MASP1: variants seen among roughly 807,000 people sequenced by gnomAD.
The protein encoded by MASP1 is MBL associated serine protease 1.
In MASP1, 59 loss-of-function variants were observed where a neutral mutation model predicts 77.1. That is an observed-to-expected ratio of 0.77 (90% confidence interval 0.62 to 0.95). The LOEUF (loss-of-function observed/expected upper bound fraction) is 0.95, where lower values mean the gene tolerates loss of function less well. MASP1 is among the 40% of genes least tolerant of loss of function. MASP1 has a pLI of 0.00. For missense variants in MASP1, 885 were observed against 912.9 expected, an observed-to-expected ratio of 0.97 and a Z score of 0.39; for synonymous variants, 362 against 354.5, an observed-to-expected ratio of 1.02 and a Z score of -0.24.
In MASP1 at chr3:187,236,284, C is replaced by T. The variant is rs372488679; in HGVS notation, c.1587G>A (p.Ser529=). The part of the protein sequence containing the change: ...YLGLHDVRDK[S]GAVNSSAARV... ...GGGCAGCTGAGCTGTTGACTGCCCC[C>T]GATTTGTCTCGCACATCATGCAAGC... Residue 529 remains serine (S), a synonymous_variant, in exon 11 of 11, where the codon TCG becomes TCA. Coordinates refer to ENST00000296280, the MANE Select transcript of MASP1 (RefSeq NM_139125.4). 2.5e-5 allele frequency: 40 copies of T among 1,614,112 alleles called. No homozygotes were observed. The highest frequency in any genetic ancestry group is 2.0e-4 in the Admixed American group (12 of 60,012).
rs918148890 is a variant in MASP1 at position 187,234,355 on chromosome 3, C to T, written c.*1329G>A. ...TCCAGGGAGAAGGAGAACAATCAGCCCTGTGAGGGCCAGAGAGGCTGCTAG... is the reference window on the plus strand; with the variant it reads ...TCCAGGGAGAAGGAGAACAATCAGCTCTGTGAGGGCCAGAGAGGCTGCTAG... On this transcript the variant is annotated 3_prime_UTR_variant, in exon 11 of 11. Transcript: ENST00000296280. The T allele has an allele frequency of 1.6e-6, 2 of 1,287,192 alleles. No homozygotes were observed. Among genetic ancestry groups the T allele is most frequent in the Admixed American group, 2.3e-5 (1 of 43,554 alleles). The allele number at this position is 1,287,192 out of a possible 1,614,324, so 79.7% of individuals were successfully genotyped here.
chr3:187,249,167 C>T (rs1466709658), intron 8 of MASP1, among the ~76,000 whole-genome samples: 1 of 152,240 alleles, frequency 6.6e-6, no homozygotes, highest in Non-Finnish European at 1.5e-5. Context: ...CAGCAATTCT[C>T]CCGCCTCAGC....
chr3:187,284,420 G>C (rs1413945028), intron 2 of MASP1, among the ~76,000 whole-genome samples: 7 of 152,168 alleles, frequency 4.6e-5, no homozygotes, highest in Non-Finnish European at 1.0e-4. Flanking sequence ...ATCCCACAAT[G>C]CTCAAGACAG....
At chr3:187,228,106 A>G (rs1220242294) in intron 11 of MASP1, among the ~76,000 whole-genome samples, 1 of 152,098 alleles carries the variant, frequency 6.6e-6, no homozygotes, top group Non-Finnish European at 1.5e-5. Context: ...GTCATAGGGA[A>G]TAAACATACA....
intron 2 of MASP1, 100 bp from the exon 3 acceptor site, chr3:187,262,820 G>T: frequency 9.4e-7 from 1 of 1,066,810 alleles, no homozygotes; most frequent in South Asian, 1.3e-5. Flanking sequence ...CCAAGAGTAG[G>T]CTAGTCAGCC....
chr3:187,226,661 G>T, intron 11 of MASP1: 1 of 694,890 alleles, frequency 1.4e-6, no homozygotes, highest in East Asian at 2.7e-5. Context: ...TGTATTTTAT[G>T]GCCCCCAACT....
rs187176782 is a variant in MASP1 at position 187,288,699 on chromosome 3, T to C, written c.6-2643A>G. 1.1e-4 allele frequency among the ~76,000 whole-genome samples: 17 copies of C among 152,240 alleles called. No individual in the cohort carries two copies. In the East Asian group the frequency reaches 3.1e-3, roughly 28 times the overall value. Reference sequence around the variant, plus strand: ...TTCCCTATAATAGCGACACCCAAATTATGCAAGGCCGAAAGGTCAACTTCC... The same window carrying C: ...TTCCCTATAATAGCGACACCCAAATCATGCAAGGCCGAAAGGTCAACTTCC... On this transcript the variant is annotated intron_variant, in intron 1 of 10. Coordinates refer to ENST00000296280, the MANE Select transcript of MASP1 (RefSeq NM_139125.4).
chr3:187,267,025 A>G (rs1716092655), intron 2 of MASP1, among the ~76,000 whole-genome samples: 1 of 152,258 alleles, frequency 6.6e-6, no homozygotes, highest in Non-Finnish European at 1.5e-5. Context: ...AAAGCAATGT[A>G]TAGAGAAAGC....
chr3:187,246,767 G>A (rs2108530841), intron 8 of MASP1: 1 of 964,116 alleles, frequency 1.0e-6, no homozygotes, highest in East Asian at 1.1e-4. Context: ...TTTCAGCCCT[G>A]CGCCAGATAG....
chr3:187,282,090 G>A (rs1717463786), intron 2 of MASP1, among the ~76,000 whole-genome samples: 1 of 152,142 alleles, frequency 6.6e-6, no homozygotes, highest in African/African-American at 2.4e-5. Flanking sequence ...CAAGATTCAA[G>A]CCATAATCCC....
At position 187,236,129 on chromosome 3, in the gene MASP1, C is replaced by T; in HGVS notation, c.1742G>A (p.Gly581Asp). Residue 581 changes from glycine to aspartate, a missense_variant, in exon 11 of 11, where the codon GGC (glycine) becomes GAC (aspartate). Transcript: ENST00000296280. Reference protein sequence around the residue: ...PVCLPRLEPEGPAPHMLGLVA... With the variant: ...PVCLPRLEPEDPAPHMLGLVA... ...CAGGCCCAGCATGTGGGGGGCCGGGCCTTCAGGCTCAAGCCTTGGCAGGCA... is the reference window on the plus strand; with the variant it reads ...CAGGCCCAGCATGTGGGGGGCCGGGTCTTCAGGCTCAAGCCTTGGCAGGCA... 1 of 1,613,912 alleles carries T rather than the reference C, an allele frequency of 6.2e-7. No individual in the cohort carries two copies. Among genetic ancestry groups the T allele is most frequent in the Non-Finnish European group, 8.5e-7 (1 of 1,180,030 alleles).
At chr3:187,236,674 C>T in intron 10 of MASP1, 107 bp from the exon 11 acceptor site, 3 of 1,593,970 alleles carry the variant, frequency 1.9e-6, no homozygotes, top group Non-Finnish European at 2.6e-6. Flanking sequence ...ATAGATTATG[C>T]CACCATGGGA....
At chr3:187,272,614 G>A (rs1447881669) in intron 2 of MASP1, among the ~76,000 whole-genome samples, 2 of 152,178 alleles carry the variant, frequency 1.3e-5, no homozygotes, top group African/African-American at 2.4e-5. Flanking sequence ...TGACAGCCAT[G>A]TGAAGACAGA....
intron 2 of MASP1, among the ~76,000 whole-genome samples, chr3:187,267,503 T>C (rs1716138353): frequency 6.6e-6 from 1 of 152,228 alleles, no homozygotes; most frequent in Non-Finnish European, 1.5e-5. Flanking sequence ...AAGGCAATAG[T>C]CATTACTCAC....
rs1324018496 is a variant in MASP1, at chr3:187,236,448, C to G, written c.1423G>C (p.Val475Leu). ...CTCCCAAACCACTTGTCATTTGGCA[C>G]TCTCGAAGTGTCCTCCACCACTATC... ...ALIVVEDTSRVPNDKWFGSGA... is the reference protein window; with the variant it reads ...ALIVVEDTSRLPNDKWFGSGA... The change falls in exon 11 of 11, where the codon GTG becomes CTG. Residue 475 changes from valine (V) to leucine (L), a missense_variant. Coordinates refer to ENST00000296280, the MANE Select transcript of MASP1 (RefSeq NM_139125.4). 1 of 1,614,086 alleles carries G rather than the reference C, an allele frequency of 6.2e-7. No individual in the cohort carries two copies. The highest frequency in any genetic ancestry group is 8.5e-7 in the Non-Finnish European group (1 of 1,180,052).
chr3:187,270,472 C>T (rs56272175), intron 2 of MASP1, among the ~76,000 whole-genome samples: 10,831 of 152,118 alleles, frequency 0.071, 437 homozygotes, highest in South Asian at 0.13. Flanking sequence ...CCCCTCTTAC[C>T]CCTGATGTTT....
intron 5 of MASP1, among the ~76,000 whole-genome samples, chr3:187,255,950 T>C (rs994275715): frequency 6.6e-6 from 1 of 152,198 alleles, no homozygotes; most frequent in Admixed American, 6.5e-5. Flanking sequence ...TAGACCCTAA[T>C]ATTCAGCTCT....
At chr3:187,289,582 T>C (rs1345861101) in intron 1 of MASP1, among the ~76,000 whole-genome samples, 1 of 152,182 alleles carries the variant, frequency 6.6e-6, no homozygotes, top group African/African-American at 2.4e-5. Context: ...TTTAAAAATA[T>C]TAATGCCAAA....
intron 2 of MASP1, among the ~76,000 whole-genome samples, chr3:187,267,894 A>T (rs531505471): frequency 1.4e-5 from 1 of 70,712 alleles, no homozygotes; most frequent in African/African-American, 5.1e-5. Flanking sequence ...TTACTTGCCC[A>T]GCTCCTTCTA....
Sources: allele counts gnomAD v4.1 joint callset (sites outside exome capture counted in the v4.1 genomes callset), GRCh38; gene constraint gnomAD v4.1.1; transcripts MANE v1.5; gene names NCBI Gene and HGNC (gene_info 2026-07-23, HGNC 2026-07-21).